The following GRIK1 variants were observed in gnomAD, a reference collection of about 807,000 sequenced individuals.
GRIK1 encodes the protein glutamate ionotropic receptor kainate type subunit 1.
A neutral mutation model predicts 105.7 loss-of-function variants in GRIK1; 69 were observed. The ratio of observed to expected loss-of-function variants is 0.65; its 90% CI spans 0.54 to 0.80. GRIK1 has a LOEUF of 0.80. Among genes scored for constraint, GRIK1 ranks in the 30% least tolerant of loss-of-function variants. The pLI is 0.00. For synonymous variants in GRIK1, 438 were observed against 431.3 expected, an observed-to-expected ratio of 1.02 and a Z score of -0.19; for missense variants, 1,109 against 1,167.3, an observed-to-expected ratio of 0.95 and a Z score of 0.73.
At chr21:29,852,703 CA>C (rs1349623121) in intron 1 of GRIK1, among the ~76,000 whole-genome samples, 5 of 152,174 alleles carry the variant, frequency 3.3e-5, no homozygotes, top group African/African-American at 1.2e-4. Flanking sequence ...ATGCTTTACA[CA>C]AAGTAAAGTG....
chr21:29,606,721 C>T (rs1225372318), intron 7 of GRIK1, among the ~76,000 whole-genome samples: 2 of 152,062 alleles, frequency 1.3e-5, no homozygotes, highest in Non-Finnish European at 2.9e-5. Context: ...ACCCAAAACA[C>T]AACACTCCAG....
chr21:29,717,643 A>G (rs777813927), intron 1 of GRIK1, among the ~76,000 whole-genome samples: 8 of 152,316 alleles, frequency 5.3e-5, no homozygotes, highest in Admixed American at 6.5e-5. Flanking sequence ...TACACCCCCA[A>G]TTGTACCTAG....
intron 1 of GRIK1, among the ~76,000 whole-genome samples, chr21:29,938,370 C>T (rs954770051): frequency 7.9e-5 from 12 of 152,210 alleles, no homozygotes; most frequent in Admixed American, 7.8e-4. Context: ...GACCGTGACT[C>T]TAAGAAGCCC....
intron 1 of GRIK1, among the ~76,000 whole-genome samples, chr21:29,733,666 TTTC>T (rs1569027540): frequency 6.6e-6 from 1 of 152,146 alleles, no homozygotes; most frequent in Non-Finnish European, 1.5e-5. Flanking sequence ...TCTTCATCAC[TTTC>T]TTAAGTGATG....
intron 7 of GRIK1, among the ~76,000 whole-genome samples, chr21:29,622,410 A>T (rs2062026184): frequency 6.6e-6 from 1 of 152,200 alleles, no homozygotes; most frequent in Non-Finnish European, 1.5e-5. Context: ...ACATGGTTGA[A>T]ATCAGTGTTT....
chr21:29,656,844 C>T (rs757821881), intron 4 of GRIK1, among the ~76,000 whole-genome samples: 4 of 152,162 alleles, frequency 2.6e-5, no homozygotes, highest in Non-Finnish European at 4.4e-5. Context: ...AACACGAAAA[C>T]CAGAGGAATA....
intron 1 of GRIK1, among the ~76,000 whole-genome samples, chr21:29,799,838 T>G (rs1448010930): frequency 6.6e-6 from 1 of 152,214 alleles, no homozygotes; most frequent in Non-Finnish European, 1.5e-5. Context: ...CCAGCCAGTT[T>G]TTTTAAACAG....
At chr21:29,596,085 T>C in intron 9 of GRIK1, 1 of 291,112 alleles carries the variant, frequency 3.4e-6, no homozygotes, top group South Asian at 3.5e-5. Context: ...GTGGTGACAT[T>C]ACAGGAGGTG....
intron 1 of GRIK1, among the ~76,000 whole-genome samples, chr21:29,876,157 T>C (rs1029030018): frequency 5.3e-5 from 8 of 151,022 alleles, no homozygotes; most frequent in Non-Finnish European, 1.5e-5. Flanking sequence ...TCCTGGCTGT[T>C]GTTAACTACT....
intron 4 of GRIK1, among the ~76,000 whole-genome samples, chr21:29,660,558 A>G (rs1324183325): frequency 6.6e-6 from 1 of 152,228 alleles, no homozygotes; most frequent in Non-Finnish European, 1.5e-5. Context: ...AGGGAAATCC[A>G]TATGCCACAC....
chr21:29,802,241 A>G (rs112489459), intron 1 of GRIK1, among the ~76,000 whole-genome samples: 6,501 of 152,176 alleles, frequency 0.043, 200 homozygotes, highest in Non-Finnish European at 0.066. Context: ...CCCTGCTATT[A>G]ATCTTTTTAG....
At chr21:29,614,028 A>G (rs571319714) in intron 7 of GRIK1, among the ~76,000 whole-genome samples, 4 of 152,190 alleles carry the variant, frequency 2.6e-5, no homozygotes, top group Non-Finnish European at 5.9e-5. Context: ...TGGGGTCACC[A>G]TATCCTCATA....
At chr21:29,884,713 T>C (rs1569188307) in intron 1 of GRIK1, among the ~76,000 whole-genome samples, 1 of 152,104 alleles carries the variant, frequency 6.6e-6, no homozygotes, top group Non-Finnish European at 1.5e-5. Context: ...AAGTAGTTAT[T>C]ATCTCCACCT....
At chr21:29,548,259 A>G (rs1018037708) in intron 16 of GRIK1, among the ~76,000 whole-genome samples, 3 of 152,232 alleles carry the variant, frequency 2.0e-5, no homozygotes, top group Non-Finnish European at 4.4e-5. Context: ...CAGGGTTTCA[A>G]ATTCACACAC....
chr21:29,838,972 A>G (rs898617754), intron 1 of GRIK1, among the ~76,000 whole-genome samples: 13 of 152,230 alleles, frequency 8.5e-5, no homozygotes, highest in Admixed American at 6.5e-5. Context: ...ATTTAGGCAA[A>G]TTATTAAACG....
chr21:29,874,549 C>A (rs551897792), intron 1 of GRIK1, among the ~76,000 whole-genome samples: 2 of 152,160 alleles, frequency 1.3e-5, no homozygotes, highest in East Asian at 3.9e-4. Flanking sequence ...GTTCGTCCGC[C>A]GCTCACCTCC....
chr21:29,938,590 C>T (rs1282680184), intron 1 of GRIK1, among the ~76,000 whole-genome samples: 1 of 152,194 alleles, frequency 6.6e-6, no homozygotes, highest in Non-Finnish European at 1.5e-5. Flanking sequence ...GGGCTGCCCA[C>T]ATTCAGCTTT....
chr21:29,878,439 G>A (rs564196090), intron 1 of GRIK1, among the ~76,000 whole-genome samples: 1 of 152,090 alleles, frequency 6.6e-6, no homozygotes, highest in Non-Finnish European at 1.5e-5. Context: ...ACCTTCAGGT[G>A]GAGCACCTCA....
chr21:29,835,047 C>A (rs1351787747), intron 1 of GRIK1, among the ~76,000 whole-genome samples: 3 of 152,094 alleles, frequency 2.0e-5, no homozygotes, highest in African/African-American at 7.2e-5. Flanking sequence ...ATCACTAATG[C>A]TCCAGGTAGC....
Sources: allele counts gnomAD v4.1 joint callset (sites outside exome capture counted in the v4.1 genomes callset), GRCh38; gene constraint gnomAD v4.1.1; transcripts MANE v1.5; gene names NCBI Gene and HGNC (gene_info 2026-07-23, HGNC 2026-07-21).